CRIM1: variants seen among roughly 807,000 people sequenced by gnomAD.
The protein encoded by CRIM1 is cysteine-rich motor neuron 1 protein.
Under a neutral mutation model 116.4 loss-of-function variants are expected in CRIM1, and 32 were observed. That is an observed-to-expected ratio of 0.27 (90% confidence interval 0.21 to 0.37). The LOEUF (loss-of-function observed/expected upper bound fraction) is 0.37. Among genes scored for constraint, CRIM1 ranks in the 10% least tolerant of loss-of-function variants. The pLI, the probability that CRIM1 is intolerant of heterozygous loss-of-function variation, is 1.00. For missense variants in CRIM1, 1,331 were observed against 1,354.8 expected, an observed-to-expected ratio of 0.98 and a Z score of 0.28; for synonymous variants, 590 against 509.2, an observed-to-expected ratio of 1.16 and a Z score of -2.13.
intron 12 of CRIM1, among the ~76,000 whole-genome samples, chr2:36,517,934 T>G (rs1665138652): frequency 1.3e-5 from 2 of 152,210 alleles, no homozygotes; most frequent in African/African-American, 4.8e-5. Context: ...TTATAAATAA[T>G]GTAAACAAAA....
chr2:36,540,910 A>G (rs1435613368), intron 14 of CRIM1, among the ~76,000 whole-genome samples: 3 of 152,208 alleles, frequency 2.0e-5, no homozygotes, highest in African/African-American at 2.4e-5. Flanking sequence ...AGATATTGCT[A>G]ACATCCTTGT....
intron 2 of CRIM1, among the ~76,000 whole-genome samples, chr2:36,418,028 C>T (rs1182954796): frequency 6.6e-6 from 1 of 152,164 alleles, no homozygotes; most frequent in Non-Finnish European, 1.5e-5. Flanking sequence ...TTCTGTGCAG[C>T]ACTGGGTGGC....
At chr2:36,396,550 C>A in intron 1 of CRIM1, 64 bp from the exon 2 acceptor site, 1 of 1,150,996 alleles carries the variant, frequency 8.7e-7, no homozygotes, top group Admixed American at 2.4e-5. Context: ...TGCGTTTTTG[C>A]CCGCGAACAG....
chr2:36,507,454 T>A lies in CRIM1; in HGVS notation c.1502-2529T>A, dbSNP rs1404218632. Among the ~76,000 whole-genome samples the A allele has an allele frequency of 6.6e-5, 10 of 152,362 alleles. No individual in the cohort carries two copies. In the East Asian group the frequency reaches 1.9e-3, roughly 29 times the overall value. ...CATTTAGTTAGCAAATGTTGTTGAA[T>A]ACCCACTCTGTACCAAATACCATGG... On this transcript the variant is annotated intron_variant, in intron 8 of 16. Coordinates refer to ENST00000280527, the MANE Select transcript of CRIM1 (RefSeq NM_016441.3).
intron 5 of CRIM1, among the ~76,000 whole-genome samples, chr2:36,469,699 ATT>A (rs1340662272): frequency 1.3e-5 from 2 of 152,190 alleles, no homozygotes; most frequent in Non-Finnish European, 2.9e-5. Flanking sequence ...CTATATAGCA[ATT>A]ATGCTCATAA....
chr2:36,381,305 C>T (rs769944289), intron 1 of CRIM1, among the ~76,000 whole-genome samples: 11 of 152,188 alleles, frequency 7.2e-5, no homozygotes, highest in Non-Finnish European at 1.5e-4. Flanking sequence ...CTGCCCAGCG[C>T]GGCCCCACAG....
intron 13 of CRIM1, among the ~76,000 whole-genome samples, chr2:36,523,481 T>A (rs1176732352): frequency 2.0e-5 from 3 of 152,192 alleles, no homozygotes; most frequent in Admixed American, 2.0e-4. Context: ...CAGATGCTGT[T>A]CCGAGGTCCA....
chr2:36,432,344 C>T (rs1006087622), intron 2 of CRIM1, among the ~76,000 whole-genome samples: 3 of 152,024 alleles, frequency 2.0e-5, no homozygotes, highest in African/African-American at 7.3e-5. Context: ...TTCATTGTTA[C>T]ATTTTGAAAT....
rs768338024 is a variant in CRIM1, at chr2:36,356,311, G to C, written c.19G>C (p.Asp7His). ...CAGGAGGATGTACTTGGTGGCGGGG[G>C]ACAGGGGGTTGGCCGGCTGCGGGCA... Reference protein sequence around the residue: MYLVAGDRGLAGCGHLL... With the variant: MYLVAGHRGLAGCGHLL... Residue 7 changes from aspartate to histidine, a missense_variant, in exon 1 of 17, where the codon GAC (aspartate) becomes CAC (histidine). Asp to His is a moderately conservative substitution (Grantham distance 81). Around this residue, in one of 3 missense-constraint regions of CRIM1, gnomAD observed 690 missense variants for 676.0 expected, o/e 1.02. Transcript: ENST00000280527. This position sits in a 1 kb window ranked among gnomAD's most constrained non-coding sequence, Gnocchi z 4.3. The C allele has an allele frequency of 1.3e-6, 2 of 1,558,172 alleles. No homozygotes were observed. The highest frequency in any genetic ancestry group is 1.7e-6 in the Non-Finnish European group (2 of 1,154,098).
At chr2:36,405,249 T>A (rs963496723) in intron 2 of CRIM1, among the ~76,000 whole-genome samples, 2 of 151,990 alleles carry the variant, frequency 1.3e-5, no homozygotes, top group Non-Finnish European at 2.9e-5. Flanking sequence ...GAGCTGGGAG[T>A]ATTAGCATTC....
rs2125207977 is a variant in CRIM1 at position 36,550,099 on chromosome 2, T to A, written c.*1398T>A. 6.6e-6 allele frequency: 1 copy of A among 152,580 alleles called. No homozygotes were observed. Among genetic ancestry groups the A allele is most frequent in the East Asian group, 1.9e-4 (1 of 5,178 alleles). The allele number at this position is 152,580 out of a possible 1,614,324, so 9.5% of individuals were successfully genotyped here. A position where few individuals can be genotyped will look rare whatever the true frequency, so the allele number is the denominator to read the frequency against. ...CACGCACGCCTTGAGCAGTCAGCAT[T>A]GCACCTGCTATGGAGAAGGGTATTC... On this transcript the variant is annotated 3_prime_UTR_variant, in exon 17 of 17. Coordinates refer to ENST00000280527, the MANE Select transcript of CRIM1 (RefSeq NM_016441.3).
chr2:36,436,862 T>C (rs2124921446), intron 2 of CRIM1, among the ~76,000 whole-genome samples: 1 of 152,234 alleles, frequency 6.6e-6, no homozygotes, highest in Admixed American at 6.5e-5. Context: ...ATGCAGAAAT[T>C]TAATATCACT....
chr2:36,546,762 G>A (rs897034911), intron 15 of CRIM1, among the ~76,000 whole-genome samples: 4 of 109,474 alleles, frequency 3.7e-5, no homozygotes, highest in Non-Finnish European at 5.3e-5. Context: ...TTCTCACTCT[G>A]ATTTTTTTTT....
intron 5 of CRIM1, among the ~76,000 whole-genome samples, chr2:36,470,212 C>T (rs761286404): frequency 6.6e-6 from 1 of 152,164 alleles, no homozygotes; most frequent in African/African-American, 2.4e-5. Flanking sequence ...GAACATCCTC[C>T]ATGAATAGTC....
intron 5 of CRIM1, among the ~76,000 whole-genome samples, chr2:36,473,984 C>G (rs1349227538): frequency 6.6e-6 from 1 of 152,082 alleles, no homozygotes; most frequent in African/African-American, 2.4e-5. Context: ...TATGAGAATT[C>G]CAGTTTCTCC....
At chr2:36,505,684 T>C (rs577286886) in intron 8 of CRIM1, among the ~76,000 whole-genome samples, 1 of 77,476 alleles carries the variant, frequency 1.3e-5, no homozygotes, top group South Asian at 5.6e-4. Context: ...CTAAAACATT[T>C]CTAATAGTAA....
At chr2:36,467,376 A>T (rs574857997) in intron 5 of CRIM1, among the ~76,000 whole-genome samples, 1 of 152,240 alleles carries the variant, frequency 6.6e-6, no homozygotes, top group Non-Finnish European at 1.5e-5. Flanking sequence ...ATATACATTC[A>T]TACTCATACA....
At chr2:36,519,909 G>A (rs1376120122) in intron 12 of CRIM1, among the ~76,000 whole-genome samples, 2 of 91,322 alleles carry the variant, frequency 2.2e-5, no homozygotes, top group Non-Finnish European at 4.4e-5. Context: ...GCAGAGAAGA[G>A]CGAGGGAGGT....
At chr2:36,441,546 G>A in intron 3 of CRIM1, 46 bp downstream of exon 3, 3 of 1,593,178 alleles carry the variant, frequency 1.9e-6, no homozygotes, top group Non-Finnish European at 2.6e-6. Context: ...TTGCATCAGA[G>A]GGTAGCAGAT....
Sources: gnomAD v4.1 joint callset for allele counts (sites outside exome capture counted in the v4.1 genomes callset) on GRCh38, gnomAD v4.1.1 for gene constraint, gnomAD v4.1.1 regional missense constraint, Gnocchi (gnomAD v3.1) non-coding constraint, MANE v1.5 for transcripts, NCBI Gene and HGNC (gene_info 2026-07-23, HGNC 2026-07-21) for gene names.